Variants in AGO1 observed in about 807,000 individuals in gnomAD.
The protein encoded by AGO1 is argonaute RISC component 1.
Under a neutral mutation model 109.2 loss-of-function variants are expected in AGO1, and 11 were observed. The observed-to-expected ratio is 0.10, with a 90% confidence interval of 0.06 to 0.17. The LOEUF is 0.17. AGO1 is among the 10% of genes least tolerant of loss of function. The probability of loss-of-function intolerance (pLI) is 1.00; values close to 1 mark genes in which losing one functional copy is unlikely to be tolerated. For missense variants in AGO1, 574 were observed against 1,140.3 expected, an observed-to-expected ratio of 0.50 and a Z score of 7.15; for synonymous variants, 422 against 418.6, an observed-to-expected ratio of 1.01 and a Z score of -0.10.
rs1040157330 is a variant in AGO1 at position 35,927,898 on chromosome 1, C to A, written c.*8291C>A. ...TCTTGCTAGAGTATAAAGTAACTTACTTTCTACCTTGTAGAAACTGATGGT... is the reference window on the plus strand; with the variant it reads ...TCTTGCTAGAGTATAAAGTAACTTAATTTCTACCTTGTAGAAACTGATGGT... On this transcript the variant is annotated 3_prime_UTR_variant, in exon 19 of 19. Coordinates refer to ENST00000373204, the MANE Select transcript of AGO1 (RefSeq NM_012199.5). 1.3e-5 allele frequency: 2 copies of A among 152,210 alleles called. No homozygotes were observed. The highest frequency in any genetic ancestry group is 4.8e-5 in the African/African-American group (2 of 41,450). 9.4% of individuals were successfully genotyped at this position (152,210 alleles called of 1,614,324 possible).
chr1:35,876,019 A>G (rs1053334712), intron 1 of AGO1, among the ~76,000 whole-genome samples: 2 of 152,240 alleles, frequency 1.3e-5, no homozygotes, highest in African/African-American at 4.8e-5. Flanking sequence ...TTTAGATGCC[A>G]TTAAGAACAT....
At chr1:35,896,634 G>A (rs1267632158) in intron 8 of AGO1, among the ~76,000 whole-genome samples, 1 of 152,074 alleles carries the variant, frequency 6.6e-6, no homozygotes, top group East Asian at 1.9e-4. Context: ...GCTGGATTAC[G>A]GGCATGAGCT....
intron 11 of AGO1, among the ~76,000 whole-genome samples, chr1:35,902,613 A>G (rs1004979560): frequency 3.3e-5 from 5 of 152,258 alleles, no homozygotes; most frequent in Non-Finnish European, 7.3e-5. Flanking sequence ...TATCATTGGT[A>G]ATAAATAGTA....
intron 11 of AGO1, among the ~76,000 whole-genome samples, chr1:35,902,992 C>T (rs940649570): frequency 4.7e-5 from 7 of 149,972 alleles, no homozygotes; most frequent in African/African-American, 1.7e-4. Flanking sequence ...AACCCCTCAC[C>T]TGGAGTCTTT....
chr1:35,913,793 T>G (rs377322393), intron 12 of AGO1, 49 bp from the exon 13 acceptor site: 111 of 1,587,662 alleles, frequency 7.0e-5, no homozygotes, highest in Non-Finnish European at 8.6e-5. Flanking sequence ...TAGTAGGCAT[T>G]CAGTAAATAT....
chr1:35,907,377 C>T (rs1302142846), intron 12 of AGO1, among the ~76,000 whole-genome samples: 4 of 152,170 alleles, frequency 2.6e-5, no homozygotes, highest in Admixed American at 1.3e-4. Context: ...CTATGCTGGG[C>T]CAGGTACAGA....
chr1:35,912,362 A>C (rs1024138910), intron 12 of AGO1, among the ~76,000 whole-genome samples: 4 of 90,890 alleles, frequency 4.4e-5, no homozygotes, highest in Non-Finnish European at 7.4e-5. Context: ...CTGTCTCAGA[A>C]AAAAAAAAAA....
At chr1:35,912,083 C>G (rs552440146) in intron 12 of AGO1, among the ~76,000 whole-genome samples, 1 of 152,076 alleles carries the variant, frequency 6.6e-6, no homozygotes, top group African/African-American at 2.4e-5. Flanking sequence ...TTCGGCCGGG[C>G]GCGGTGGCTC....
rs936153832 is a variant in AGO1, at chr1:35,930,350, A to C, written c.*10743A>C. ...GAGAGAGAGGGTTCCTGGCCAAGGG[A>C]ACCAAAAGCAGAGAAGCTCCAAGTC... On this transcript the variant is annotated 3_prime_UTR_variant, in exon 19 of 19. Transcript: ENST00000373204. 4 of 152,222 alleles carry C rather than the reference A, an allele frequency of 2.6e-5. No individual in the cohort carries two copies. The highest frequency in any genetic ancestry group is 5.9e-5 in the Non-Finnish European group (4 of 68,054). The allele number at this position is 152,222 out of a possible 1,614,324, so 9.4% of individuals were successfully genotyped here.
intron 7 of AGO1, 112 bp downstream of exon 7, chr1:35,894,514 C>T: frequency 9.4e-7 from 1 of 1,066,474 alleles, no homozygotes; most frequent in South Asian, 1.5e-5. Flanking sequence ...GCCTTGGGGA[C>T]TGGCCCTGTT....
upstream of AGO1, among the ~76,000 whole-genome samples, chr1:35,882,074 A>G (rs1213600353): frequency 6.6e-6 from 1 of 152,252 alleles, no homozygotes; most frequent in Non-Finnish European, 1.5e-5. The surrounding 1 kb of genome is among the most constrained non-coding windows in gnomAD (Gnocchi z 5.1). Flanking sequence ...GGATAGAGGA[A>G]CTGTCATTTC....
chr1:35,893,536 A>G lies in AGO1; in HGVS notation c.513-138A>G. The stretch of plus-strand genomic sequence containing the variant: ...GGTAGAAACTTGTACAAGGTCAGTC[A>G]TACAACTAGTAAAGCATCAGAGCTG... On this transcript the variant is annotated intron_variant, in intron 4 of 18. Coordinates refer to ENST00000373204, the MANE Select transcript of AGO1 (RefSeq NM_012199.5). The surrounding 1 kb of genome is among the most constrained non-coding windows in gnomAD (Gnocchi z 5.6). 1.0e-6 allele frequency: 1 copy of G among 969,124 alleles called. No individual in the cohort carries two copies. Among genetic ancestry groups the G allele is most frequent in the Non-Finnish European group, 1.5e-6 (1 of 671,702 alleles). 60.0% of individuals were successfully genotyped at this position (969,124 alleles called of 1,614,324 possible). A position where few individuals can be genotyped will look rare whatever the true frequency, so the allele number is the denominator to read the frequency against.
At position 35,913,884 on chromosome 1, in the gene AGO1, C is replaced by T. The variant is rs769346828; in HGVS notation, c.1625C>T (p.Thr542Met). ...GGAGATACACTCTTGGGAATGGCTA[C>T]GCAGTGTGTGCAGGTGAAGAACGTG... ...RVGDTLLGMA[T>M]QCVQVKNVVK... is the part of the protein sequence containing the mutation. The change falls in exon 13 of 19, where the codon ACG becomes ATG. Residue 542 changes from threonine to methionine, a missense_variant. Transcript: ENST00000373204. 6.2e-7 allele frequency: 1 copy of T among 1,613,814 alleles called. No individual in the cohort carries two copies. The highest frequency in any genetic ancestry group is 1.3e-5 in the African/African-American group (1 of 74,852).
intron 12 of AGO1, among the ~76,000 whole-genome samples, chr1:35,908,979 C>T (rs1306604852): frequency 6.6e-6 from 1 of 151,934 alleles, no homozygotes; most frequent in Admixed American, 6.6e-5. Flanking sequence ...TACCATGCCT[C>T]GCTAATTTTT....
intron 11 of AGO1, among the ~76,000 whole-genome samples, chr1:35,902,618 ATAG>A (rs1251249433): frequency 6.6e-6 from 1 of 152,218 alleles, no homozygotes; most frequent in Non-Finnish European, 1.5e-5. Context: ...TTGGTAATAA[ATAG>A]TAGTAGTGAT....
chr1:35,910,178 C>T (rs1335539466), intron 12 of AGO1, among the ~76,000 whole-genome samples: 1 of 147,268 alleles, frequency 6.8e-6, no homozygotes, highest in Admixed American at 6.7e-5. Flanking sequence ...AAAAGAGTAC[C>T]AGTCAGATTC....
rs1004756207 is a variant in AGO1 at position 35,923,037 on chromosome 1, A to C, written c.*3430A>C. Reference sequence around the variant, plus strand: ...GAAGAGAATGGAGAGAATTTGAATAAAAGGTGGGAAAGGAGAGCACTGTTC... The same window carrying C: ...GAAGAGAATGGAGAGAATTTGAATACAAGGTGGGAAAGGAGAGCACTGTTC... On this transcript the variant is annotated 3_prime_UTR_variant, in exon 19 of 19. Transcript: ENST00000373204. 1 of 152,266 alleles carries C rather than the reference A, an allele frequency of 6.6e-6. No homozygotes were observed. The highest frequency in any genetic ancestry group is 1.5e-5 in the Non-Finnish European group (1 of 68,094). The allele number at this position is 152,266 out of a possible 1,614,324, so 9.4% of individuals were successfully genotyped here.
rs1041857755 is a variant in AGO1 at position 35,930,101 on chromosome 1, C to A, written c.*10494C>A. ...AAAATAGTATGTTTCATTAAGGCAA[C>A]AAATATTTATTAAGGACCTAATATT... On this transcript the variant is annotated 3_prime_UTR_variant, in exon 19 of 19. Coordinates refer to ENST00000373204, the MANE Select transcript of AGO1 (RefSeq NM_012199.5). 1 of 152,094 alleles carries A rather than the reference C, an allele frequency of 6.6e-6. No homozygotes were observed. The highest frequency in any genetic ancestry group is 1.5e-5 in the Non-Finnish European group (1 of 68,004). The allele number at this position is 152,094 out of a possible 1,614,324, so 9.4% of individuals were successfully genotyped here. A position where few individuals can be genotyped will look rare whatever the true frequency, so the allele number is the denominator to read the frequency against.
upstream of AGO1, among the ~76,000 whole-genome samples, chr1:35,878,441 A>C (rs1645009493): frequency 6.6e-6 from 1 of 152,204 alleles, no homozygotes; most frequent in African/African-American, 2.4e-5. Context: ...TATTTAGCTC[A>C]TATGATACTC....
Sources: allele counts gnomAD v4.1 joint callset (sites outside exome capture counted in the v4.1 genomes callset), GRCh38; gene constraint gnomAD v4.1.1; non-coding constraint Gnocchi (gnomAD v3.1); transcripts MANE v1.5; gene names NCBI Gene and HGNC (gene_info 2026-07-23, HGNC 2026-07-21).